MTO1: variants seen among roughly 807,000 people sequenced by gnomAD.
The protein encoded by MTO1 is 5-taurinomethyluridine-[tRNA] synthase subunit MTO1, mitochondrial.
MTO1 carries 46 observed loss-of-function variants against 71.6 expected under a neutral mutation model. The observed-to-expected ratio is 0.64, with a 90% CI of 0.51 to 0.82. The LOEUF is 0.82. MTO1 is among the 40% of genes least tolerant of loss of function. MTO1 has a pLI of 0.00. For synonymous variants in MTO1, 297 were observed against 312.1 expected, an observed-to-expected ratio of 0.95 and a Z score of 0.51; for missense variants, 773 against 867.5, an observed-to-expected ratio of 0.89 and a Z score of 1.37.
chr6:73,466,274 GC>G lies in MTO1; in HGVS notation c.285del (p.Leu96TrpfsTer19), dbSNP rs762671357. On this transcript the variant is annotated frameshift_variant, in exon 2 of 12. Coordinates refer to ENST00000498286, the MANE Select transcript of MTO1 (RefSeq NM_012123.4). LOFTEE classifies it high-confidence loss of function. ...GGGACATTTAATGAGGGAAGTAGAT[GC>G]CTTGGATGGCCTGTGTTCTCGCATC... The part of the protein sequence containing the change: ...GKGHLMREVD[A>X]LDGLCSRICD... The G allele has an allele frequency of 5.6e-6, 9 of 1,614,092 alleles. No individual in the cohort carries two copies.
intron 9 of MTO1, among the ~76,000 whole-genome samples, chr6:73,483,784 A>AT (rs35787647): frequency 0.049 from 5,100 of 104,054 alleles, 263 homozygotes; most frequent in Admixed American, 0.14. Flanking sequence ...ACACCTGGCT[A>AT]TTTTTTTTTT....
At chr6:73,478,005 C>A (rs958182618) in intron 4 of MTO1, among the ~76,000 whole-genome samples, 1 of 151,982 alleles carries the variant, frequency 6.6e-6, no homozygotes, top group African/African-American at 2.4e-5. Flanking sequence ...AATCCCAGCA[C>A]TTTGGGAGGC....
intron 9 of MTO1, among the ~76,000 whole-genome samples, chr6:73,491,036 A>G (rs1428490698): frequency 1.3e-5 from 2 of 152,204 alleles, no homozygotes; most frequent in Non-Finnish European, 2.9e-5. Flanking sequence ...CACTGGATCT[A>G]TGTGCATTAA....
chr6:73,473,311 C>T (rs529958683), intron 3 of MTO1, 54 bp from the exon 4 acceptor site: 1 of 1,465,110 alleles, frequency 6.8e-7, no homozygotes, highest in Non-Finnish European at 9.2e-7. Flanking sequence ...TACATAGATA[C>T]ATAAATACAT....
chr6:73,466,341 G>T lies in MTO1; in HGVS notation c.350G>T (p.Arg117Leu), dbSNP rs763571382. 6.2e-7 allele frequency: 1 copy of T among 1,614,160 alleles called. No homozygotes were observed. Among genetic ancestry groups the T allele is most frequent in the South Asian group, 1.1e-5 (1 of 91,086 alleles). ...GTACATTATAAAGTATTAAACCGGC[G>T]TAAGGGACCAGCTGTGTGGGGTCTG... The part of the protein sequence containing the change: ...SGVHYKVLNR[R>L]KGPAVWGLRA... The change falls in exon 2 of 12, where the codon CGT (arginine) becomes CTT (leucine). Residue 117 changes from arginine to leucine, a missense_variant. Physicochemically the swap from Arg to Leu is moderately radical, Grantham distance 102. Coordinates refer to ENST00000498286, the MANE Select transcript of MTO1 (RefSeq NM_012123.4).
Position 73,500,994 on chromosome 6 carries a change from A to G in MTO1, c.*259A>G. 3.7e-6 allele frequency: 1 copy of G among 266,828 alleles called. No homozygotes were observed. The allele number at this position is 266,828 out of a possible 1,614,324, so 16.5% of individuals were successfully genotyped here. ...TGCAGTGTTCATCAAAGAGAGAGAC[A>G]GTGAACCTAAAACTGAACCTGGAAT... On this transcript the variant is annotated 3_prime_UTR_variant, in exon 12 of 12. Coordinates refer to ENST00000498286, the MANE Select transcript of MTO1 (RefSeq NM_012123.4).
chr6:73,466,146 AT>A, intron 1 of MTO1, 62 bp from the exon 2 acceptor site: 4 of 1,364,104 alleles, frequency 2.9e-6, no homozygotes, highest in Non-Finnish European at 4.2e-6. Context: ...ATGTTTCCTT[AT>A]TAAGTAGTCA....
rs189764625 is a variant in MTO1 at position 73,500,918 on chromosome 6, C to T, written c.*183C>T. 14 of 445,892 alleles carry T rather than the reference C, an allele frequency of 3.1e-5. No homozygotes were observed. Among genetic ancestry groups the T allele is most frequent in the Admixed American group, 1.7e-4 (4 of 23,078 alleles). The allele number at this position is 445,892 out of a possible 1,614,324, so 27.6% of individuals were successfully genotyped here. A position where few individuals can be genotyped will look rare whatever the true frequency, so the allele number is the denominator to read the frequency against. The stretch of plus-strand genomic sequence containing the variant: ...TTTTCGTGTATATGAAAAAACTAGT[C>T]GTAAACAATTTGTACTCTTTCTTTA... On this transcript the variant is annotated 3_prime_UTR_variant, in exon 12 of 12. Coordinates refer to ENST00000498286, the MANE Select transcript of MTO1 (RefSeq NM_012123.4).
intron 1 of MTO1, among the ~76,000 whole-genome samples, chr6:73,464,835 CAAAAA>C (rs70996805): frequency 5.9e-3 from 167 of 28,346 alleles, no homozygotes; most frequent in African/African-American, 0.023. Flanking sequence ...AACTCTGTCT[CAAAAA>C]AAAAAAAAAA....
chr6:73,477,498 G>A (rs184462702), intron 4 of MTO1, among the ~76,000 whole-genome samples: 2 of 145,764 alleles, frequency 1.4e-5, no homozygotes, highest in East Asian at 2.0e-4. Flanking sequence ...GGTAAATATT[G>A]TCCAAAGCAG....
intron 9 of MTO1, among the ~76,000 whole-genome samples, chr6:73,484,431 A>G (rs1041539926): frequency 2.6e-4 from 40 of 152,220 alleles, no homozygotes; most frequent in African/African-American, 9.6e-4. Flanking sequence ...TCACATAGCA[A>G]AAGGGCAAAA....
Position 73,497,781 on chromosome 6 carries a change from G to T in MTO1, c.1802G>T (p.Gly601Val). The change falls in exon 11 of 12, where the codon GGA becomes GTA. Residue 601 changes from glycine (G) to valine (V), a missense_variant. Coordinates refer to ENST00000498286, the MANE Select transcript of MTO1 (RefSeq NM_012123.4). Reference protein sequence around the residue: ...VLFHQLQEIKGVQQDEALQLP... With the variant: ...VLFHQLQEIKVVQQDEALQLP... ...TTCCATCAACTACAAGAAATAAAGG[G>T]AGTTCAGCAAGATGAAGCTCTCCAA... 6.2e-7 allele frequency: 1 copy of T among 1,613,990 alleles called. No homozygotes were observed. The highest frequency in any genetic ancestry group is 8.5e-7 in the Non-Finnish European group (1 of 1,179,922).
Position 73,496,913 on chromosome 6 carries a change from C to T in MTO1, c.1757-823C>T, listed in dbSNP as rs191228183. Among the ~76,000 whole-genome samples the T allele has an allele frequency of 3.7e-3, 557 of 151,506 alleles. 4 individuals carry two copies. Among genetic ancestry groups the T allele is most frequent in the African/African-American group, 0.013 (530 of 41,334 alleles). Reference sequence around the variant, plus strand: ...ACTAAAAATACAAAGATTAGCCGGGCGTGGTGGCTTGCGTCTATAATCCCA... The same window carrying T: ...ACTAAAAATACAAAGATTAGCCGGGTGTGGTGGCTTGCGTCTATAATCCCA... On this transcript the variant is annotated intron_variant, in intron 10 of 11. Transcript: ENST00000498286.
intron 4 of MTO1, among the ~76,000 whole-genome samples, chr6:73,474,560 C>T (rs1176228294): frequency 1.3e-5 from 2 of 151,856 alleles, no homozygotes; most frequent in Non-Finnish European, 2.9e-5. Context: ...GCGATTCTCC[C>T]ACCTCAGCCT....
chr6:73,483,848 G>A (rs1006696590), intron 9 of MTO1, among the ~76,000 whole-genome samples: 5 of 147,390 alleles, frequency 3.4e-5, no homozygotes, highest in Non-Finnish European at 7.4e-5. Context: ...GCATGATCTC[G>A]GCTCACTGCA....
chr6:73,492,583 G>A, intron 10 of MTO1: 2 of 365,302 alleles, frequency 5.5e-6, no homozygotes, highest in South Asian at 3.0e-5. Context: ...GCTGAGGTGG[G>A]CTGATTTCTT....
At chr6:73,494,516 G>C (rs62438384) in intron 10 of MTO1, among the ~76,000 whole-genome samples, 3,595 of 143,538 alleles carry the variant, frequency 0.025, 69 homozygotes, top group Non-Finnish European at 0.036. Flanking sequence ...TCGCTTTGTC[G>C]CCCAGGCTGG....
rs767094121 is a variant in MTO1, at chr6:73,482,042, T to C, written c.1263T>C (p.Gly421=). The C allele has an allele frequency of 1.9e-5, 31 of 1,613,980 alleles. No individual in the cohort carries two copies. Among genetic ancestry groups the C allele is most frequent in the Non-Finnish European group, 2.6e-5 (31 of 1,180,028 alleles). Reference sequence around the variant, plus strand: ...TAAACATTTCAGTGCTCTTGTAGGGTGTGATAGCCGGAATCAACGCCAGTC... The same window carrying C: ...TAAACATTTCAGTGCTCTTGTAGGGCGTGATAGCCGGAATCAACGCCAGTC... The part of the protein sequence containing the change: ...TTGYEEAAAQ[G]VIAGINASLR... Residue 421 remains glycine, a splice_region_variant and synonymous_variant, in exon 8 of 12, where the codon GGT becomes GGC. Transcript: ENST00000498286.
intron 6 of MTO1, chr6:73,480,360 C>A (rs1257668232): frequency 1.5e-6 from 1 of 675,726 alleles, no homozygotes. Flanking sequence ...ACAACCTCCC[C>A]CTGCCAGGTT....
Sources: gnomAD v4.1 joint callset for allele counts (sites outside exome capture counted in the v4.1 genomes callset) on GRCh38, gnomAD v4.1.1 for gene constraint, MANE v1.5 for transcripts, NCBI Gene and HGNC (gene_info 2026-07-23, HGNC 2026-07-21) for gene names.